FAR2: variants seen among roughly 807,000 people sequenced by gnomAD.
FAR2 encodes fatty acyl-CoA reductase 2, also known as epididymis secretory protein Li 81.
Under a neutral mutation model 56.0 loss-of-function variants are expected in FAR2, and 19 were observed. The observed-to-expected ratio is 0.34, with a 90% CI of 0.24 to 0.50. The LOEUF is 0.50. Among genes scored for constraint, FAR2 ranks in the 20% least tolerant of loss-of-function variants. The probability of loss-of-function intolerance (pLI) is 0.98; values close to 1 mark genes in which losing one functional copy is unlikely to be tolerated. For missense variants in FAR2, 508 were observed against 642.2 expected (o/e 0.79, Z 2.26); for synonymous variants, 219 against 218.8 (o/e 1.00, Z -0.01).
At chr12:29,219,779 G>A (rs1350467182) in intron 1 of FAR2, among the ~76,000 whole-genome samples, 5 of 152,208 alleles carry the variant, frequency 3.3e-5, no homozygotes, top group Non-Finnish European at 7.4e-5. Context: ...GACCCCCAAA[G>A]GAGGAAAGTG....
rs7963965 is a variant in FAR2, at chr12:29,289,267, G to A, written c.190-4033G>A. Among the ~76,000 whole-genome samples the A allele has an allele frequency of 7.4e-3, 1,119 of 152,210 alleles. 9 individuals are homozygous for A. The highest frequency in any genetic ancestry group is 0.025 in the African/African-American group (1,058 of 41,524). ...CTGAGCAAAAAAGAATAAAACTGGA[G>A]GAATCACATTACTTGACTTCAAATT... On this transcript the variant is annotated intron_variant, in intron 2 of 11. Transcript: ENST00000536681.
At chr12:29,205,360 C>T (rs999755312) in intron 1 of FAR2, among the ~76,000 whole-genome samples, 1 of 152,118 alleles carries the variant, frequency 6.6e-6, no homozygotes, top group Non-Finnish European at 1.5e-5. Flanking sequence ...TGATAATTTC[C>T]AGTGTTCTTG....
At chr12:29,221,434 G>A (rs901085445) in intron 1 of FAR2, among the ~76,000 whole-genome samples, 1 of 152,062 alleles carries the variant, frequency 6.6e-6, no homozygotes, top group African/African-American at 2.4e-5. Flanking sequence ...CTCCCAGTTA[G>A]GGTTTCTGCA....
chr12:29,279,777 G>T (rs116566210), intron 2 of FAR2, among the ~76,000 whole-genome samples: 103 of 152,194 alleles, frequency 6.8e-4, no homozygotes, highest in African/African-American at 2.5e-3. Context: ...ATAGAGCTTG[G>T]TAGAGAGACC....
intron 6 of FAR2, among the ~76,000 whole-genome samples, chr12:29,310,607 C>T (rs553142922): frequency 1.1e-4 from 16 of 151,920 alleles, no homozygotes; most frequent in Admixed American, 6.6e-5. Context: ...AGTTAATAAA[C>T]CCTAGCAGAA....
intron 1 of FAR2, chr12:29,156,813 T>C (rs947060711): frequency 6.6e-6 from 1 of 151,928 alleles, no homozygotes. Flanking sequence ...TGCCACAGCA[T>C]AGGGGGAGAT....
intron 1 of FAR2, chr12:29,156,858 GT>G (rs1238942334): frequency 6.6e-6 from 1 of 151,744 alleles, no homozygotes; most frequent in African/African-American, 2.4e-5. Flanking sequence ...TCCATGGAAC[GT>G]AGAGTCAGAA....
At chr12:29,326,446 C>CA (rs1352092945) in intron 10 of FAR2, among the ~76,000 whole-genome samples, 5 of 151,910 alleles carry the variant, frequency 3.3e-5, no homozygotes, top group South Asian at 2.1e-4. Context: ...AGAGACACAA[C>CA]AAAAAAAGAG....
Position 29,332,614 on chromosome 12 carries a change from C to T in FAR2, c.1272C>T (p.Asp424=), listed in dbSNP as rs146854655. ...SPEDQRVFNF[D]VRQLNWLEYI... ...TTGCCTCTCAGGTATTCAACTTTGA[C>T]GTGCGCCAGTTGAACTGGTTGGAAT... is the stretch of plus-strand genomic sequence containing the variant. Residue 424 remains aspartate (D), a synonymous_variant, in exon 11 of 12, where the codon GAC becomes GAT. Coordinates refer to ENST00000536681, the MANE Select transcript of FAR2 (RefSeq NM_001271783.2). 2.4e-4 allele frequency: 380 copies of T among 1,613,616 alleles called. 3 individuals carry two copies. The highest frequency in any genetic ancestry group is 3.3e-4 in the Middle Eastern group (2 of 6,056).
intron 1 of FAR2, among the ~76,000 whole-genome samples, chr12:29,165,455 T>C (rs1949817006): frequency 1.3e-5 from 2 of 152,174 alleles, no homozygotes; most frequent in South Asian, 2.1e-4. Context: ...AATGTAATCA[T>C]TAAGCAAGCA....
chr12:29,202,484 A>G (rs973649062), intron 1 of FAR2, among the ~76,000 whole-genome samples: 7 of 152,172 alleles, frequency 4.6e-5, no homozygotes, highest in African/African-American at 1.7e-4. Context: ...TTTCCTTGCT[A>G]TTAAAAAACA....
intron 1 of FAR2, among the ~76,000 whole-genome samples, chr12:29,239,402 T>C (rs140174840): frequency 3.2e-4 from 49 of 152,072 alleles, no homozygotes; most frequent in African/African-American, 1.1e-3. Context: ...TCTAGAAAAG[T>C]ATTAATTGAC....
chr12:29,304,508 C>T (rs367907493), intron 4 of FAR2, among the ~76,000 whole-genome samples: 5 of 152,308 alleles, frequency 3.3e-5, no homozygotes, highest in African/African-American at 1.2e-4. Context: ...GACAGTGTGT[C>T]CACTACTTAC....
At chr12:29,263,598 G>A (rs1459185867) in intron 1 of FAR2, among the ~76,000 whole-genome samples, 5 of 151,544 alleles carry the variant, frequency 3.3e-5, no homozygotes, top group Non-Finnish European at 5.9e-5. Flanking sequence ...AAATGAAAAT[G>A]GAAACACAGC....
intron 2 of FAR2, chr12:29,281,665 A>G (rs1948785208): frequency 6.6e-6 from 1 of 152,128 alleles, no homozygotes; most frequent in Non-Finnish European, 1.5e-5. Flanking sequence ...ACAGCTTGGC[A>G]TAAGTAAAAG....
chr12:29,233,768 C>T (rs951588681), intron 1 of FAR2, among the ~76,000 whole-genome samples: 1 of 152,092 alleles, frequency 6.6e-6, no homozygotes, highest in African/African-American at 2.4e-5. Context: ...TAAAAATAAA[C>T]AAACCTCCTC....
At chr12:29,272,498 C>T (rs1011743295) in intron 2 of FAR2, among the ~76,000 whole-genome samples, 1 of 152,238 alleles carries the variant, frequency 6.6e-6, no homozygotes, top group Non-Finnish European at 1.5e-5. Flanking sequence ...TCACGTTCCT[C>T]TCTAAACTGG....
At chr12:29,319,979 A>G (rs548013235) in intron 9 of FAR2, among the ~76,000 whole-genome samples, 17 of 152,296 alleles carry the variant, frequency 1.1e-4, no homozygotes, top group African/African-American at 3.4e-4. Flanking sequence ...AGGAAGGAGT[A>G]TCACTTAAGC....
intron 9 of FAR2, among the ~76,000 whole-genome samples, chr12:29,321,194 T>C (rs1949545363): frequency 1.3e-5 from 2 of 151,872 alleles, no homozygotes; most frequent in Non-Finnish European, 2.9e-5. Flanking sequence ...AGACCTCAGA[T>C]CCTATCAACT....
Sources: gnomAD v4.1 joint callset for allele counts (sites outside exome capture counted in the v4.1 genomes callset) on GRCh38, gnomAD v4.1.1 for gene constraint, MANE v1.5 for transcripts, NCBI Gene and HGNC (gene_info 2026-07-23, HGNC 2026-07-21) for gene names.